AOPEP: variants seen among roughly 807,000 people sequenced by gnomAD.
The protein encoded by AOPEP is aminopeptidase O.
AOPEP carries 77 observed loss-of-function variants against 98.1 expected under a neutral mutation model. The observed-to-expected ratio is 0.78, with a 90% CI of 0.65 to 0.95. The LOEUF (loss-of-function observed/expected upper bound fraction) is 0.95, where lower values mean the gene tolerates loss of function less well. AOPEP is among the 40% of genes least tolerant of loss of function. The pLI is 0.00. For missense variants in AOPEP, 1,024 were observed against 1,024.7 expected, an observed-to-expected ratio of 1.00 and a Z score of 0.01; for synonymous variants, 346 against 365.3, an observed-to-expected ratio of 0.95 and a Z score of 0.60.
chr9:95,094,729 G>C, the AOPEP span, among the ~76,000 whole-genome samples: 6 of 152,162 alleles, frequency 3.9e-5, no homozygotes, highest in Non-Finnish European at 4.4e-5. Context: ...GCAGTGGCAC[G>C]ATCTTGGCTC....
At chr9:94,937,896 G>GGA (rs1412714269) in intron 7 of AOPEP, among the ~76,000 whole-genome samples, 4 of 151,790 alleles carry the variant, frequency 2.6e-5, no homozygotes, top group Admixed American at 1.3e-4. Context: ...TTTTTGAGAT[G>GGA]GAATCTCGCT....
In AOPEP at chr9:94,919,979, A is replaced by G. The variant is rs146044066; in HGVS notation, c.1365-4007A>G. Among the ~76,000 whole-genome samples, 587 of 152,246 alleles carry G rather than the reference A, an allele frequency of 3.9e-3. 7 individuals carry two copies. The highest frequency in any genetic ancestry group is 0.013 in the African/African-American group (526 of 41,546). ...AATGTAAGTCTGTATGATGCCTCCC[A>G]AGGATCTGTGTGAAAAGTAAACTTG... On this transcript the variant is annotated intron_variant, in intron 5 of 16. Coordinates refer to ENST00000375315, the MANE Select transcript of AOPEP (RefSeq NM_001193329.3).
intron 1 of AOPEP, among the ~76,000 whole-genome samples, chr9:94,743,032 C>A (rs1456181364): frequency 6.6e-6 from 1 of 151,800 alleles, no homozygotes. Context: ...AGAAGAGGGC[C>A]CACGGCTAAG....
At chr9:95,016,565 G>A (rs1406175593) in intron 13 of AOPEP, among the ~76,000 whole-genome samples, 1 of 151,848 alleles carries the variant, frequency 6.6e-6, no homozygotes, top group Non-Finnish European at 1.5e-5. Context: ...TTGAATGTTA[G>A]GTTGTCATTC....
chr9:95,028,987 G>C (rs992624715), intron 13 of AOPEP, among the ~76,000 whole-genome samples: 2 of 152,226 alleles, frequency 1.3e-5, no homozygotes, highest in African/African-American at 4.8e-5. Flanking sequence ...TGTCTGGAAG[G>C]CAGCGCCAGC....
At chr9:94,996,968 C>A (rs2061285170) in intron 11 of AOPEP, among the ~76,000 whole-genome samples, 1 of 152,162 alleles carries the variant, frequency 6.6e-6, no homozygotes, top group Admixed American at 6.5e-5. Flanking sequence ...TGCAGATGTT[C>A]ATTTCAAGGG....
intron 10 of AOPEP, among the ~76,000 whole-genome samples, chr9:94,977,809 A>G (rs10993432): frequency 0.078 from 11,812 of 152,134 alleles, 1,154 homozygotes; most frequent in African/African-American, 0.23. Flanking sequence ...GGACCTAGAG[A>G]GGTAGTCCCC....
At chr9:94,967,246 A>G (rs1215298034) in intron 9 of AOPEP, among the ~76,000 whole-genome samples, 2 of 152,210 alleles carry the variant, frequency 1.3e-5, no homozygotes, top group African/African-American at 4.8e-5. Context: ...GAGGCTACAG[A>G]TGGAGGCAGG....
chr9:94,856,122 G>A (rs1298663664), intron 5 of AOPEP, among the ~76,000 whole-genome samples: 3 of 152,272 alleles, frequency 2.0e-5, no homozygotes, highest in Admixed American at 2.0e-4. Flanking sequence ...CGAATGGCTG[G>A]GAATGTGCCA....
chr9:95,020,688 C>G (rs1297635634), intron 13 of AOPEP, among the ~76,000 whole-genome samples: 1 of 151,560 alleles, frequency 6.6e-6, no homozygotes, highest in Admixed American at 6.6e-5. Flanking sequence ...GAGGCTGAGG[C>G]AGGTGGATCG....
intron 7 of AOPEP, among the ~76,000 whole-genome samples, chr9:94,947,506 T>C (rs1195496095): frequency 1.3e-5 from 2 of 152,182 alleles, no homozygotes; most frequent in African/African-American, 4.8e-5. Context: ...CCTCCTGAAA[T>C]GCTGAGATTA....
chr9:94,747,496 T>C (rs1162432055), intron 1 of AOPEP, among the ~76,000 whole-genome samples: 1 of 152,184 alleles, frequency 6.6e-6, no homozygotes, highest in Non-Finnish European at 1.5e-5. Context: ...TCAATGTTGT[T>C]TTAACACTAT....
chr9:95,092,080 G>A (rs541595593), downstream of AOPEP, among the ~76,000 whole-genome samples: 4 of 136,026 alleles, frequency 2.9e-5, no homozygotes, highest in South Asian at 9.8e-4. Context: ...GTGTGTGTGT[G>A]TGCACACACA....
intron 13 of AOPEP, among the ~76,000 whole-genome samples, chr9:95,015,982 A>G (rs1432013694): frequency 1.3e-5 from 2 of 151,596 alleles, no homozygotes; most frequent in Non-Finnish European, 2.9e-5. Context: ...GATTACAGGT[A>G]TGAACCACTT....
chr9:95,089,873 C>T (rs190890907), downstream of AOPEP, among the ~76,000 whole-genome samples: 37 of 152,378 alleles, frequency 2.4e-4, no homozygotes, highest in Non-Finnish European at 4.6e-4. Context: ...CTGTAAGAAA[C>T]TGACAGGAAC....
In AOPEP at chr9:94,890,642, A is replaced by G. The variant is rs188547752; in HGVS notation, c.1365-33344A>G. 5.9e-5 allele frequency among the ~76,000 whole-genome samples: 9 copies of G among 152,088 alleles called. No individual in the cohort carries two copies. The East Asian group carries it at 1.4e-3, about 23-fold the overall frequency. On this transcript the variant is annotated intron_variant, in intron 5 of 16. Coordinates refer to ENST00000375315, the MANE Select transcript of AOPEP (RefSeq NM_001193329.3). Reference sequence around the variant, plus strand: ...CAGTTCTATACATTCGCTTCTCCACATTGCTTTAGCTGCATCCCACAAACT... The same window carrying G: ...CAGTTCTATACATTCGCTTCTCCACGTTGCTTTAGCTGCATCCCACAAACT...
chr9:95,092,277 G>A, the AOPEP span, among the ~76,000 whole-genome samples: 3 of 152,146 alleles, frequency 2.0e-5, no homozygotes, highest in African/African-American at 7.2e-5. Context: ...GGTGGGCCCA[G>A]GGGGAGCTGC....
chr9:95,135,480 A>C, the AOPEP span: 1 of 1,614,094 alleles, frequency 6.2e-7, no homozygotes, highest in Non-Finnish European at 8.5e-7. Context: ...ACTACAGCTG[A>C]CATGGGGAGA....
intron 3 of AOPEP, among the ~76,000 whole-genome samples, chr9:94,789,023 G>C (rs949970340): frequency 6.6e-6 from 1 of 152,048 alleles, no homozygotes; most frequent in African/African-American, 2.4e-5. Flanking sequence ...CTCTACCCTA[G>C]AGCCTTTTGG....
Sources: allele counts gnomAD v4.1 joint callset (sites outside exome capture counted in the v4.1 genomes callset), GRCh38; gene constraint gnomAD v4.1.1; transcripts MANE v1.5; gene names NCBI Gene and HGNC (gene_info 2026-07-23, HGNC 2026-07-21).